GFI1B: variants seen among roughly 807,000 people sequenced by gnomAD.
GFI1B encodes the protein growth factor independent 1B transcriptional repressor.
A neutral mutation model predicts 35.3 loss-of-function variants in GFI1B; 20 were observed. The ratio of observed to expected loss-of-function variants is 0.57; its 90% CI spans 0.40 to 0.82. GFI1B has a LOEUF of 0.82. Among genes scored for constraint, GFI1B ranks in the 40% least tolerant of loss-of-function variants. The probability of loss-of-function intolerance (pLI) is 0.00; values close to 1 mark genes in which losing one functional copy is unlikely to be tolerated. For missense variants in GFI1B, 430 were observed against 446.3 expected, an observed-to-expected ratio of 0.96 and a Z score of 0.33; for synonymous variants, 178 against 177.6, an observed-to-expected ratio of 1.00 and a Z score of -0.02.
chr9:132,946,420 CTG>C (rs1848101020), intron 1 of GFI1B, among the ~76,000 whole-genome samples: 1 of 152,144 alleles, frequency 6.6e-6, no homozygotes, highest in Non-Finnish European at 1.5e-5. Context: ...TTTTTGATAA[CTG>C]TTAAGTGCCA....
intron 1 of GFI1B, among the ~76,000 whole-genome samples, chr9:132,958,296 A>G (rs1848313324): frequency 1.3e-5 from 2 of 152,150 alleles, no homozygotes; most frequent in South Asian, 2.1e-4. Context: ...TTGCGTTGCT[A>G]CAAAGAAATA....
chr9:132,962,412 A>G (rs909763213), intron 1 of GFI1B: 6 of 315,892 alleles, frequency 1.9e-5, no homozygotes, highest in African/African-American at 1.3e-4. Context: ...GTGCGGGATT[A>G]CAAGTGTGAG....
intron 1 of GFI1B, among the ~76,000 whole-genome samples, chr9:132,968,276 G>A (rs1848481188): frequency 6.6e-6 from 1 of 151,542 alleles, no homozygotes; most frequent in African/African-American, 2.4e-5. Flanking sequence ...ACCACACCTG[G>A]CTAATTAAAG....
intron 1 of GFI1B, among the ~76,000 whole-genome samples, chr9:132,946,422 G>A (rs1420283195): frequency 6.6e-6 from 1 of 152,152 alleles, no homozygotes; most frequent in Non-Finnish European, 1.5e-5. Flanking sequence ...TTTGATAACT[G>A]TTAAGTGCCA....
At chr9:132,982,985 G>A (rs756894273) in intron 1 of GFI1B, among the ~76,000 whole-genome samples, 8 of 152,090 alleles carry the variant, frequency 5.3e-5, no homozygotes, top group African/African-American at 1.9e-4. Flanking sequence ...GCTCATGAGC[G>A]CTAGAAAGTG....
At chr9:132,970,437 G>A (rs1178147550) in intron 1 of GFI1B, among the ~76,000 whole-genome samples, 3 of 152,102 alleles carry the variant, frequency 2.0e-5, no homozygotes, top group Non-Finnish European at 4.4e-5. Flanking sequence ...ACACACGCAC[G>A]CATGCACGCA....
At chr9:132,958,812 G>A (rs1848321786) in intron 1 of GFI1B, among the ~76,000 whole-genome samples, 1 of 152,348 alleles carries the variant, frequency 6.6e-6, no homozygotes, top group Non-Finnish European at 1.5e-5. Context: ...TGAGATGCCA[G>A]AGAGACAGGC....
chr9:132,962,406 G>A (rs1190827807), intron 1 of GFI1B: 8 of 299,902 alleles, frequency 2.7e-5, no homozygotes, highest in South Asian at 1.6e-4. Flanking sequence ...TCCAGAGTGC[G>A]GGATTACAAG....
intron 1 of GFI1B, chr9:132,962,668 G>A (rs1435490721): frequency 4.1e-6 from 2 of 485,452 alleles, no homozygotes; most frequent in East Asian, 5.6e-5. Flanking sequence ...GGGTCTATAA[G>A]GAATTACACA....
intron 1 of GFI1B, chr9:132,962,485 G>T: frequency 2.1e-6 from 1 of 481,896 alleles, no homozygotes; most frequent in Non-Finnish European, 4.2e-6. Flanking sequence ...TGCTATCGTG[G>T]TGTGTGTTTG....
chr9:132,968,795 T>A (rs1480310889), intron 1 of GFI1B, among the ~76,000 whole-genome samples: 2 of 152,184 alleles, frequency 1.3e-5, no homozygotes, highest in Middle Eastern at 6.3e-3. Flanking sequence ...TATCAATTAA[T>A]TGTTATAAAG....
intron 1 of GFI1B, chr9:132,962,622 C>T (rs1240394220): frequency 2.0e-6 from 1 of 502,726 alleles, no homozygotes; most frequent in Non-Finnish European, 4.0e-6. Context: ...AAATTAGGTA[C>T]AACTCCAAAA....
intron 1 of GFI1B, among the ~76,000 whole-genome samples, chr9:132,948,924 A>G (rs1050923502): frequency 2.6e-5 from 4 of 152,104 alleles, no homozygotes; most frequent in Admixed American, 1.3e-4. Context: ...CTTGGATTTG[A>G]CCAAAGTGCG....
intron 1 of GFI1B, among the ~76,000 whole-genome samples, chr9:132,964,850 C>T (rs557251660): frequency 1.5e-4 from 22 of 150,000 alleles, no homozygotes; most frequent in African/African-American, 4.9e-4. Flanking sequence ...AGCGAGTCTC[C>T]GGCCTCAGCC....
chr9:132,950,353 C>G (rs914151963), intron 1 of GFI1B, among the ~76,000 whole-genome samples: 1 of 151,978 alleles, frequency 6.6e-6, no homozygotes, highest in African/African-American at 2.4e-5. Context: ...CCCACTACCC[C>G]TATCAAATGC....
At chr9:132,962,429 C>T (rs1036289608) in intron 1 of GFI1B, 4 of 362,112 alleles carry the variant, frequency 1.1e-5, no homozygotes, top group African/African-American at 6.5e-5. Context: ...TGAGCCTCCT[C>T]TCCTGGCCCA....
chr9:132,986,660 T>G lies in GFI1B; in HGVS notation c.-19T>G. On this transcript the variant is annotated splice_region_variant and 5_prime_UTR_variant, in exon 2 of 7. Transcript: ENST00000372122. The stretch of plus-strand genomic sequence containing the variant: ...CGCTCCCATCCCTCCCCCTTGCAGG[T>G]GTGGGGTGCACACTGAAAATGCCAC... 1 of 1,504,608 alleles carries G rather than the reference T, an allele frequency of 6.6e-7. No homozygotes were observed. The highest frequency in any genetic ancestry group is 9.2e-7 in the Non-Finnish European group (1 of 1,085,284). 93.2% of individuals were successfully genotyped at this position (1,504,608 alleles called of 1,614,324 possible). A position where few individuals can be genotyped will look rare whatever the true frequency, so the allele number is the denominator to read the frequency against.
chr9:132,980,895 T>TTTTGTTTG (rs112055013), intron 1 of GFI1B, among the ~76,000 whole-genome samples: 14,659 of 151,588 alleles, frequency 0.097, 1,037 homozygotes, highest in East Asian at 0.35. Flanking sequence ...CTAGACCACA[T>TTTTGTTTG]TTTGTTTGTT....
chr9:132,971,395 C>T (rs1015767756), intron 1 of GFI1B, among the ~76,000 whole-genome samples: 1 of 152,122 alleles, frequency 6.6e-6, no homozygotes, highest in African/African-American at 2.4e-5. Context: ...AGTGGATGCA[C>T]CCCAAACCTC....
Sources: gnomAD v4.1 joint callset for allele counts (sites outside exome capture counted in the v4.1 genomes callset) on GRCh38, gnomAD v4.1.1 for gene constraint, MANE v1.5 for transcripts, NCBI Gene and HGNC (gene_info 2026-07-23, HGNC 2026-07-21) for gene names.